The following BPIFB4 variants were observed in gnomAD, a reference collection of about 807,000 sequenced individuals.
The protein encoded by BPIFB4 is BPI fold containing family B member 4, also known as BPI fold-containing family B member 4.
In BPIFB4, 62 loss-of-function variants were observed where a neutral mutation model predicts 69.2. That is an observed-to-expected ratio of 0.90 (90% CI 0.73 to 1.11). BPIFB4 has a LOEUF of 1.11. Ranked by LOEUF, BPIFB4 falls within the 50% of genes least tolerant of loss-of-function variation. The pLI, the probability that BPIFB4 is intolerant of heterozygous loss-of-function variation, is 0.00. For missense variants in BPIFB4, 789 were observed against 792.0 expected, an observed-to-expected ratio of 1.00 and a Z score of 0.04; for synonymous variants, 330 against 332.7, an observed-to-expected ratio of 0.99 and a Z score of 0.09.
Position 33,092,674 on chromosome 20 carries a change from AC to A in BPIFB4, c.1344+18del. The A allele has an allele frequency of 6.3e-7, 1 of 1,598,296 alleles. No homozygotes were observed. Among genetic ancestry groups the A allele is most frequent in the Non-Finnish European group, 8.5e-7 (1 of 1,172,928 alleles). Reference sequence around the variant, plus strand: ...CAATGGCATGGTGAGTCACAGCCCCACCAGGGGGAGGTGGCTGGGCAGCAGA... The same window carrying A: ...CAATGGCATGGTGAGTCACAGCCCCACAGGGGGAGGTGGCTGGGCAGCAGA... On this transcript the variant is annotated intron_variant, in intron 11 of 17. Coordinates refer to ENST00000375483, the MANE Select transcript of BPIFB4 (RefSeq NM_182519.3).
intron 16 of BPIFB4, among the ~76,000 whole-genome samples, chr20:33,107,217 A>AGGAAGAAG (rs1296263846): frequency 4.2e-5 from 4 of 94,180 alleles, no homozygotes; most frequent in Admixed American, 2.2e-4. Flanking sequence ...AAAAAATGAA[A>AGGAAGAAG]GAAAGAAGGA....
chr20:33,111,496 C>G lies in BPIFB4; in HGVS notation c.*59C>G. 1 of 1,605,452 alleles carries G rather than the reference C, an allele frequency of 6.2e-7. No individual in the cohort carries two copies. ...GAAGCTGGAACCAGTCCCAGAGAGG[C>G]TCGGCCTGGAAACAGTCCCCTGCCC... is the stretch of plus-strand genomic sequence containing the variant. On this transcript the variant is annotated 3_prime_UTR_variant, in exon 18 of 18. Coordinates refer to ENST00000375483, the MANE Select transcript of BPIFB4 (RefSeq NM_182519.3).
intron 16 of BPIFB4, among the ~76,000 whole-genome samples, chr20:33,105,249 TC>T (rs1982015653): frequency 1.3e-5 from 2 of 152,234 alleles, no homozygotes; most frequent in Non-Finnish European, 2.9e-5. Flanking sequence ...TCCATTGTTT[TC>T]CCATATGATT....
At chr20:33,107,938 A>G in intron 17 of BPIFB4, 118 bp downstream of exon 17, 2 of 869,198 alleles carry the variant, frequency 2.3e-6, no homozygotes, top group Non-Finnish European at 3.8e-6. Context: ...AAGGGGAGGA[A>G]ACAGGGTCCT....
Position 33,086,136 on chromosome 20 carries a change from G to T in BPIFB4, c.898G>T (p.Gly300Trp). Residue 300 changes from glycine (G) to tryptophan (W), a missense_variant, in exon 7 of 18, where the codon GGG (glycine) becomes TGG (tryptophan). Physicochemically the swap from Gly to Trp is radical, Grantham distance 184 (BLOSUM62 -2). Around this residue, in one of 3 missense-constraint regions of BPIFB4, gnomAD observed 611 missense variants for 575.4 expected, o/e 1.06. Transcript: ENST00000375483. ...CATTGAGCGATGTGACACCCTCCTA[G>T]GGGGCATCAAAGTCAAGCTGCTGCG... ...LVIERCDTLL[G>W]GIKVKLLRGL... The T allele has an allele frequency of 6.2e-7, 1 of 1,608,692 alleles. No homozygotes were observed. Among genetic ancestry groups the T allele is most frequent in the Non-Finnish European group, 8.5e-7 (1 of 1,175,588 alleles).
chr20:33,087,775 CAT>C (rs1981478210), intron 7 of BPIFB4, among the ~76,000 whole-genome samples: 2 of 139,782 alleles, frequency 1.4e-5, no homozygotes, highest in African/African-American at 5.6e-5. Context: ...CATACACACA[CAT>C]ATATATTCTC....
At position 33,097,626 on chromosome 20, in the gene BPIFB4, C is replaced by G; in HGVS notation, c.1408C>G (p.Gln470Glu). Residue 470 changes from glutamine (Q) to glutamate (E), a missense_variant, in exon 13 of 18, where the codon CAG (glutamine) becomes GAG (glutamate). Gln to Glu is a conservative substitution (Grantham distance 29). This residue lies in a region of BPIFB4 where 170 missense variants were observed against 193.6 expected (regional missense o/e 0.88). Transcript: ENST00000375483. ...TGGTGCCTGCCCACAGGTGTTCCAG[C>G]AGTACCCCGAGTCCTGCCCACTTAT... ...LGALIPKVFQ[Q>E]YPESCPLIIR... 6.2e-7 allele frequency: 1 copy of G among 1,613,808 alleles called. No individual in the cohort carries two copies.
intron 12 of BPIFB4, 148 bp from the exon 13 acceptor site, chr20:33,097,469 C>G (rs1981786706): frequency 1.2e-6 from 1 of 823,254 alleles, no homozygotes; most frequent in Non-Finnish European, 1.9e-6. Context: ...TTGCCCAGTT[C>G]TCACAGTGGG....
intron 13 of BPIFB4, among the ~76,000 whole-genome samples, chr20:33,099,766 C>A (rs1242251012): frequency 2.0e-5 from 3 of 152,200 alleles, no homozygotes; most frequent in African/African-American, 7.2e-5. Context: ...GCCCCCAGTT[C>A]TTCATCAGGC....
intron 15 of BPIFB4, 113 bp from the exon 16 acceptor site, chr20:33,104,697 C>G (rs1201474765): frequency 1.0e-6 from 1 of 958,782 alleles, no homozygotes; most frequent in African/African-American, 1.6e-5. Flanking sequence ...AGAACCTAGA[C>G]TCTCCCAGAG....
chr20:33,088,996 G>A lies in BPIFB4; in HGVS notation c.957G>A (p.Val319=), dbSNP rs1569001671. 6.2e-7 allele frequency: 1 copy of A among 1,613,812 alleles called. No individual in the cohort carries two copies. Among genetic ancestry groups the A allele is most frequent in the African/African-American group, 1.3e-5 (1 of 74,904 alleles). ...TCCCCAATCTCGTGGACAATTTAGT[G>A]AACCGAGTCCTGGCCGACGTCCTCC... ...GLLPNLVDNL[V]NRVLADVLPD... The change falls in exon 8 of 18, where the codon GTG becomes GTA. Residue 319 remains valine (V), a synonymous_variant. Coordinates refer to ENST00000375483, the MANE Select transcript of BPIFB4 (RefSeq NM_182519.3).
At chr20:33,097,583 G>A (rs372089060) in intron 12 of BPIFB4, 34 bp from the exon 13 acceptor site, 1 of 1,600,210 alleles carries the variant, frequency 6.2e-7, no homozygotes, top group Non-Finnish European at 8.5e-7. Context: ...CTATGCTAAG[G>A]GCCCTGTCCA....
At position 33,109,621 on chromosome 20, in the gene BPIFB4, T is replaced by G. The variant is rs369982931; in HGVS notation, c.1822-1793T>G. Among the ~76,000 whole-genome samples, 21 of 152,356 alleles carry G rather than the reference T, an allele frequency of 1.4e-4. 1 individual carries two copies. In the East Asian group the frequency reaches 1.7e-3, roughly 13 times the overall value. On this transcript the variant is annotated intron_variant, in intron 17 of 17. Coordinates refer to ENST00000375483, the MANE Select transcript of BPIFB4 (RefSeq NM_182519.3). ...TTGGTGGAGATGAATTTTTCTTTCC[T>G]GAATGTGTGCATATTTTCATATCAA...
chr20:33,103,739 C>A (rs1981969785), intron 15 of BPIFB4, among the ~76,000 whole-genome samples: 1 of 152,126 alleles, frequency 6.6e-6, no homozygotes, highest in Admixed American at 6.5e-5. Context: ...CATTGTGTTG[C>A]TAATTTTATA....
rs746328825 is a variant in BPIFB4, at chr20:33,107,788, G to T, written c.1789G>T (p.Asp597Tyr). The T allele has an allele frequency of 6.2e-7, 1 of 1,613,992 alleles. No individual in the cohort carries two copies. The highest frequency in any genetic ancestry group is 1.1e-5 in the South Asian group (1 of 91,048). ...GVPLPKILNI[D>Y]FSNADIDVLE... is the part of the protein sequence containing the mutation. The stretch of plus-strand genomic sequence containing the variant: ...CCCTCTCCCCAAAATCCTCAACATC[G>T]ACTTTAGCAATGCAGACATTGACGT... Residue 597 changes from aspartate (D) to tyrosine (Y), a missense_variant, in exon 17 of 18, where the codon GAC becomes TAC. This residue lies in a region of BPIFB4 where 170 missense variants were observed against 193.6 expected (regional missense o/e 0.88). Coordinates refer to ENST00000375483, the MANE Select transcript of BPIFB4 (RefSeq NM_182519.3).
rs917245235 is a variant in BPIFB4, at chr20:33,083,356, A to G, written c.170-11A>G. The G allele has an allele frequency of 1.9e-5, 30 of 1,609,212 alleles. No individual in the cohort carries two copies. The highest frequency in any genetic ancestry group is 2.3e-5 in the Non-Finnish European group (27 of 1,176,854). On this transcript the variant is annotated splice_polypyrimidine_tract_variant and intron_variant, in intron 4 of 17. Transcript: ENST00000375483. ...ATTACAATGACTACAGACGCATTGA[A>G]TTCCCCCGAGGTGTTGGTGATATTC...
At chr20:33,108,729 C>A (rs2146418249) in intron 17 of BPIFB4, among the ~76,000 whole-genome samples, 1 of 152,258 alleles carries the variant, frequency 6.6e-6, no homozygotes, top group Non-Finnish European at 1.5e-5. Flanking sequence ...TGTAACGTGC[C>A]TTGCACAGGC....
intron 11 of BPIFB4, among the ~76,000 whole-genome samples, chr20:33,093,503 C>T (rs1052037280): frequency 1.7e-4 from 26 of 150,810 alleles, no homozygotes; most frequent in Non-Finnish European, 3.1e-4. Context: ...ACTCACCCAC[C>T]CATCCACCGT....
At chr20:33,095,234 TCA>T in intron 12 of BPIFB4, 81 bp downstream of exon 12, 1 of 1,439,110 alleles carries the variant, frequency 6.9e-7, no homozygotes. Context: ...GGGAAGATGC[TCA>T]GCGCTGGGGT....
Sources: gnomAD v4.1 joint callset for allele counts (sites outside exome capture counted in the v4.1 genomes callset) on GRCh38, gnomAD v4.1.1 for gene constraint, gnomAD v4.1.1 regional missense constraint, MANE v1.5 for transcripts, NCBI Gene and HGNC (gene_info 2026-07-23, HGNC 2026-07-21) for gene names.